The following PLCD4 variants were observed in gnomAD, a reference collection of about 807,000 sequenced individuals.
The protein encoded by PLCD4 is 1-phosphatidylinositol 4,5-bisphosphate phosphodiesterase delta-4.
PLCD4 carries 63 observed loss-of-function variants against 90.2 expected under a neutral mutation model. The observed-to-expected ratio is 0.70, with a 90% CI of 0.57 to 0.86. The LOEUF (loss-of-function observed/expected upper bound fraction) is 0.86. PLCD4 is among the 40% of genes least tolerant of loss of function. The probability of loss-of-function intolerance (pLI) is 0.00; values close to 1 mark genes in which losing one functional copy is unlikely to be tolerated. For synonymous variants in PLCD4, 294 were observed against 356.5 expected (o/e 0.82, Z 1.97); for missense variants, 830 against 956.3 (o/e 0.87, Z 1.74).
At chr2:218,615,010 C>T (rs1444126147) in intron 1 of PLCD4, among the ~76,000 whole-genome samples, 6 of 151,848 alleles carry the variant, frequency 4.0e-5, no homozygotes, top group East Asian at 3.9e-4. Flanking sequence ...GGGCGGATCA[C>T]GAGGTCAGGA....
In PLCD4 at chr2:218,636,828, ATACTG is replaced by A. The variant is rs1696788906; in HGVS notation, c.*252_*256del. ...CCTGCCCTTTTCCTTTGTGTACTCT[ATACTG>A]GAGTTCCCTTCTTCCTCTTGCTGTA... On this transcript the variant is annotated 3_prime_UTR_variant, in exon 16 of 16. Transcript: ENST00000450993. 3.5e-6 allele frequency: 2 copies of A among 570,084 alleles called. No individual in the cohort carries two copies. The highest frequency in any genetic ancestry group is 6.6e-6 in the Non-Finnish European group (2 of 301,660). The allele number at this position is 570,084 out of a possible 1,614,324, so 35.3% of individuals were successfully genotyped here. A position where few individuals can be genotyped will look rare whatever the true frequency, so the allele number is the denominator to read the frequency against.
chr2:218,628,817 A>G (rs1018070277), intron 7 of PLCD4: 1 of 154,502 alleles, frequency 6.5e-6, no homozygotes, highest in African/African-American at 2.4e-5. Context: ...CAAGGGATAC[A>G]AAGATGAGTG....
chr2:218,629,637 G>T lies in PLCD4; in HGVS notation c.1093G>T (p.Ala365Ser). 1 of 1,613,752 alleles carries T rather than the reference G, an allele frequency of 6.2e-7. No individual in the cohort carries two copies. Among genetic ancestry groups the T allele is most frequent in the South Asian group, 1.1e-5 (1 of 91,026 alleles). Residue 365 changes from alanine (A) to serine (S), a missense_variant, in exon 8 of 16, where the codon GCC (alanine) becomes TCC (serine). Physicochemically the swap from Ala to Ser is moderately conservative, Grantham distance 99 (BLOSUM62 1). Transcript: ENST00000450993. ...TSRILFKDVV[A>S]TVAQYAFQTS... ...CCGCATCCTGTTCAAAGATGTCGTG[G>T]CCACAGTAGCACAGTATGCCTTCCA...
At chr2:218,632,932 G>A (rs1179162438) in intron 10 of PLCD4, among the ~76,000 whole-genome samples, 1 of 152,120 alleles carries the variant, frequency 6.6e-6, no homozygotes, top group Non-Finnish European at 1.5e-5. Flanking sequence ...AGAGGGAGAA[G>A]GGATGCCATT....
At chr2:218,620,539 AT>A (rs1459828928) in intron 4 of PLCD4, among the ~76,000 whole-genome samples, 1 of 150,268 alleles carries the variant, frequency 6.7e-6, no homozygotes, top group African/African-American at 2.4e-5. Flanking sequence ...AAGAATTTTT[AT>A]TTATTTATTT....
At position 218,618,700 on chromosome 2, in the gene PLCD4, C is replaced by T. The variant is rs761055807; in HGVS notation, c.303C>T (p.Asn101=). Residue 101 remains asparagine, a synonymous_variant, in exon 4 of 16, where the codon AAC becomes AAT. Coordinates refer to ENST00000450993, the MANE Select transcript of PLCD4 (RefSeq NM_032726.4). ...TTGTCTTCCATGGCCGCCGCTCCAA[C>T]CTGGACCTGATGGCCAACAGTGTTG... is the stretch of plus-strand genomic sequence containing the variant. The part of the protein sequence containing the change: ...FTIVFHGRRS[N]LDLMANSVEE... 15 of 1,613,768 alleles carry T rather than the reference C, an allele frequency of 9.3e-6. No individual in the cohort carries two copies. The highest frequency in any genetic ancestry group is 1.2e-5 in the Non-Finnish European group (14 of 1,179,786).
chr2:218,626,412 A>G (rs1696122717), intron 6 of PLCD4, among the ~76,000 whole-genome samples: 1 of 152,238 alleles, frequency 6.6e-6, no homozygotes, highest in Non-Finnish European at 1.5e-5. Context: ...ATTCTCAGTG[A>G]GACTGCACAG....
At chr2:218,624,769 A>G (rs1362694517) in intron 6 of PLCD4, among the ~76,000 whole-genome samples, 1 of 151,692 alleles carries the variant, frequency 6.6e-6, no homozygotes, top group Non-Finnish European at 1.5e-5. Context: ...GAGGTTGTAA[A>G]GCAATCATTT....
chr2:218,616,115 G>A lies in PLCD4; in HGVS notation c.181+53G>A, dbSNP rs1695569051. The A allele has an allele frequency of 6.3e-6, 10 of 1,591,292 alleles. No individual in the cohort carries two copies. In the South Asian group the frequency reaches 8.9e-5, roughly 14 times the overall value. Reference sequence around the variant, plus strand: ...ATACATGGGTGGATAGAGGCCTGAGGAGCCCGGCAGGGGAGGGACCAAAGT... The same window carrying A: ...ATACATGGGTGGATAGAGGCCTGAGAAGCCCGGCAGGGGAGGGACCAAAGT... On this transcript the variant is annotated intron_variant, in intron 3 of 15. Coordinates refer to ENST00000450993, the MANE Select transcript of PLCD4 (RefSeq NM_032726.4).
Position 218,630,726 on chromosome 2 carries a change from T to C in PLCD4, c.1196T>C (p.Leu399Pro). The C allele has an allele frequency of 6.2e-7, 1 of 1,614,000 alleles. No homozygotes were observed. The highest frequency in any genetic ancestry group is 8.5e-7 in the Non-Finnish European group (1 of 1,179,858). The part of the protein sequence containing the change: ...WEQQQTMARH[L>P]TEILGEQLLS... ...CAGCAGCAGACCATGGCCCGTCATCTGACTGAGATCCTGGGGGAGCAGCTG... is the reference window on the plus strand; with the variant it reads ...CAGCAGCAGACCATGGCCCGTCATCCGACTGAGATCCTGGGGGAGCAGCTG... Residue 399 changes from leucine to proline, a missense_variant, in exon 9 of 16, where the codon CTG (leucine) becomes CCG (proline). By Grantham distance (98) the Leu-to-Pro change is moderately conservative (BLOSUM62 -3). Coordinates refer to ENST00000450993, the MANE Select transcript of PLCD4 (RefSeq NM_032726.4).
chr2:218,610,636 C>A (rs552240831), intron 1 of PLCD4, among the ~76,000 whole-genome samples: 5 of 152,250 alleles, frequency 3.3e-5, no homozygotes, highest in African/African-American at 1.2e-4. Flanking sequence ...TGATTCCTAG[C>A]CTTGCTTCAA....
At chr2:218,635,329 C>T (rs1395581133) in intron 13 of PLCD4, among the ~76,000 whole-genome samples, 1 of 151,904 alleles carries the variant, frequency 6.6e-6, no homozygotes, top group Non-Finnish European at 1.5e-5. Context: ...GAATTTCTAC[C>T]TGGATCCATT....
intron 4 of PLCD4, among the ~76,000 whole-genome samples, chr2:218,620,164 G>A (rs557793547): frequency 1.3e-5 from 2 of 152,296 alleles, no homozygotes; most frequent in South Asian, 4.1e-4. Flanking sequence ...AGAGGTGTGA[G>A]CCACTGCACC....
At chr2:218,614,513 A>G (rs999628050) in intron 1 of PLCD4, among the ~76,000 whole-genome samples, 1 of 151,064 alleles carries the variant, frequency 6.6e-6, no homozygotes, top group Non-Finnish European at 1.5e-5. Flanking sequence ...GCATGGCACA[A>G]TCTTGGCTCA....
At chr2:218,616,829 A>G (rs1389979161) in intron 3 of PLCD4, among the ~76,000 whole-genome samples, 2 of 145,274 alleles carry the variant, frequency 1.4e-5, no homozygotes, top group Non-Finnish European at 3.0e-5. Context: ...GGACTCAATG[A>G]GTTAACATGT....
At chr2:218,616,970 A>AGAGAGAGAGAGAGG (rs1481926537) in intron 3 of PLCD4, among the ~76,000 whole-genome samples, 1 of 110,346 alleles carries the variant, frequency 9.1e-6, no homozygotes, top group Non-Finnish European at 1.9e-5. Flanking sequence ...AGAGAGAGAG[A>AGAGAGAGAGAGAGG]GAGAGAGAGA....
chr2:218,625,940 A>C lies in PLCD4; in HGVS notation c.773-2089A>C, dbSNP rs139778438. ...CAGAGCGAGACTCCATCTCAAAAACAAACCAACCAACCAACAAACAAACAA... is the reference window on the plus strand; with the variant it reads ...CAGAGCGAGACTCCATCTCAAAAACCAACCAACCAACCAACAAACAAACAA... On this transcript the variant is annotated intron_variant, in intron 6 of 15. Transcript: ENST00000450993. Among the ~76,000 whole-genome samples the C allele has an allele frequency of 1.1e-3, 171 of 152,096 alleles. 1 individual carries two copies. The highest frequency in any genetic ancestry group is 2.9e-3 in the African/African-American group (120 of 41,506).
At chr2:218,613,490 C>A (rs375760994) in intron 1 of PLCD4, among the ~76,000 whole-genome samples, 3 of 150,056 alleles carry the variant, frequency 2.0e-5, no homozygotes, top group African/African-American at 7.3e-5. Context: ...AATGTAGGTT[C>A]TTTGCTTACA....
At chr2:218,618,549 T>G in intron 3 of PLCD4, 30 bp from the exon 4 acceptor site, 1 of 1,594,754 alleles carries the variant, frequency 6.3e-7, no homozygotes, top group South Asian at 1.1e-5. Context: ...ATCCCTTCCT[T>G]AATGCCTCCA....
Sources: allele counts gnomAD v4.1 joint callset (sites outside exome capture counted in the v4.1 genomes callset), GRCh38; gene constraint gnomAD v4.1.1; transcripts MANE v1.5; gene names NCBI Gene and HGNC (gene_info 2026-07-23, HGNC 2026-07-21).